PHIP: variants seen among roughly 807,000 people sequenced by gnomAD.
The protein encoded by PHIP is PHIP subunit of CUL4-Ring ligase complex, also known as PH-interacting protein.
PHIP carries 54 observed loss-of-function variants against 236.8 expected under a neutral mutation model. That is an observed-to-expected ratio of 0.23 (90% CI 0.18 to 0.29). The LOEUF is 0.29. Ranked by LOEUF, PHIP falls within the 10% of genes least tolerant of loss-of-function variation. The probability of loss-of-function intolerance (pLI) is 1.00; values close to 1 mark genes in which losing one functional copy is unlikely to be tolerated. For missense variants in PHIP, 1,370 were observed against 2,190.8 expected (o/e 0.63, Z 7.48); for synonymous variants, 756 against 718.9 (o/e 1.05, Z -0.83).
At chr6:79,003,893 C>T in intron 15 of PHIP, 35 bp from the exon 16 acceptor site, 1 of 1,459,920 alleles carries the variant, frequency 6.8e-7, no homozygotes, top group Non-Finnish European at 9.3e-7. Flanking sequence ...AGAAAACTAC[C>T]ATTAAAATGA....
At chr6:78,986,542 C>T (rs1310859814) in intron 21 of PHIP, among the ~76,000 whole-genome samples, 1 of 152,136 alleles carries the variant, frequency 6.6e-6, no homozygotes, top group African/African-American at 2.4e-5. Context: ...GAATTTTGCC[C>T]AAGGCGGCAC....
intron 35 of PHIP, among the ~76,000 whole-genome samples, chr6:78,952,165 A>T (rs1419466195): frequency 6.6e-6 from 1 of 152,120 alleles, no homozygotes; most frequent in Non-Finnish European, 1.5e-5. Context: ...TATGCCTGTA[A>T]TCCCAGCACT....
chr6:79,065,764 C>CCA (rs58570604), intron 4 of PHIP, among the ~76,000 whole-genome samples: 27,842 of 143,286 alleles, frequency 0.19, 2,506 homozygotes, highest in African/African-American at 0.23. Flanking sequence ...CTTAACTATA[C>CCA]CACACACACA....
chr6:79,023,666 G>C (rs1435545755), intron 9 of PHIP, among the ~76,000 whole-genome samples: 1 of 151,710 alleles, frequency 6.6e-6, no homozygotes, highest in African/African-American at 2.4e-5. Flanking sequence ...AAACATTCAT[G>C]GAGAAAAAAT....
Position 79,077,945 on chromosome 6 carries a change from A to T in PHIP, c.41-32T>A, listed in dbSNP as rs528021079. The T allele has an allele frequency of 8.8e-6, 14 of 1,583,306 alleles. No individual in the cohort carries two copies. The African/African-American group carries it at 1.6e-4, about 18-fold the overall frequency. Reference sequence around the variant, plus strand: ...GGGAGAGAGGGACGGGGAGACACACAGGCTGAGCGGTCGGGCGGCGGGGGG... The same window carrying T: ...GGGAGAGAGGGACGGGGAGACACACTGGCTGAGCGGTCGGGCGGCGGGGGG... On this transcript the variant is annotated intron_variant, in intron 1 of 39. Transcript: ENST00000275034.
chr6:78,946,893 A>G lies in PHIP; in HGVS notation c.4207-19T>C, dbSNP rs779850457. The G allele has an allele frequency of 1.4e-5, 21 of 1,514,464 alleles. 1 individual carries two copies. The highest frequency in any genetic ancestry group is 4.4e-6 in the Non-Finnish European group (5 of 1,131,574). 93.8% of individuals were successfully genotyped at this position (1,514,464 alleles called of 1,614,324 possible). On this transcript the variant is annotated intron_variant, in intron 36 of 39. Coordinates refer to ENST00000275034, the MANE Select transcript of PHIP (RefSeq NM_017934.7). Reference sequence around the variant, plus strand: ...TGTAAATCTGTGAGGGAAAAAAAAAAGTGTTCAACCATTCCTTGGAGGAAA... The same window carrying G: ...TGTAAATCTGTGAGGGAAAAAAAAAGGTGTTCAACCATTCCTTGGAGGAAA...
intron 18 of PHIP, 118 bp from the exon 19 acceptor site, chr6:78,997,715 A>C (rs1312664507): frequency 7.4e-6 from 6 of 810,684 alleles, no homozygotes; most frequent in African/African-American, 5.3e-5. Flanking sequence ...TGGCAAAATA[A>C]TTAAATTACC....
intron 9 of PHIP, among the ~76,000 whole-genome samples, chr6:79,020,991 GGTTA>G (rs368902656): frequency 6.2e-4 from 95 of 152,312 alleles, no homozygotes; most frequent in Middle Eastern, 3.4e-3. Flanking sequence ...AAATCAGTAA[GGTTA>G]GTTTAATGGA....
intron 4 of PHIP, among the ~76,000 whole-genome samples, chr6:79,069,653 G>A (rs1034418841): frequency 2.6e-5 from 4 of 151,988 alleles, no homozygotes; most frequent in African/African-American, 4.8e-5. Flanking sequence ...TCTCCCCATC[G>A]ACACGTAGAT....
chr6:79,077,368 C>T, intron 4 of PHIP, 80 bp downstream of exon 4: 1 of 1,310,166 alleles, frequency 7.6e-7, no homozygotes, highest in East Asian at 2.6e-5. Context: ...AAGTTTTTGT[C>T]TCTGTAAAAA....
At position 78,935,033 on chromosome 6, in the gene PHIP, T is replaced by C. The variant is rs958162560; in HGVS notation, c.*5660A>G. On this transcript the variant is annotated 3_prime_UTR_variant, in exon 40 of 40. Coordinates refer to ENST00000275034, the MANE Select transcript of PHIP (RefSeq NM_017934.7). Reference sequence around the variant, plus strand: ...AACAGAGGTTTTGTGCTTTGGTCTTTAATCTTACTTCCGTTAAATACTGGG... The same window carrying C: ...AACAGAGGTTTTGTGCTTTGGTCTTCAATCTTACTTCCGTTAAATACTGGG... 5.9e-5 allele frequency among the ~76,000 whole-genome samples: 9 copies of C among 152,212 alleles called. No homozygotes were observed. Among genetic ancestry groups the C allele is most frequent in the Non-Finnish European group, 1.5e-5 (1 of 68,026 alleles).
chr6:79,045,776 C>T (rs1772455153), intron 6 of PHIP, among the ~76,000 whole-genome samples: 1 of 152,066 alleles, frequency 6.6e-6, no homozygotes, highest in Non-Finnish European at 1.5e-5. Context: ...AGGATAAATT[C>T]TTTATATGAC....
intron 15 of PHIP, among the ~76,000 whole-genome samples, chr6:79,007,651 GTTCT>G (rs869252047): frequency 4.0e-5 from 4 of 101,226 alleles, no homozygotes; most frequent in Non-Finnish European, 8.1e-5. Context: ...AGTATGTCTT[GTTCT>G]TTTTTTTTTT....
chr6:79,019,149 C>T lies in PHIP; in HGVS notation c.934G>A (p.Ala312Thr). 6.2e-7 allele frequency: 1 copy of T among 1,611,036 alleles called. No homozygotes were observed. The highest frequency in any genetic ancestry group is 1.1e-5 in the South Asian group (1 of 90,982). ...GGCCGAGGGCGCTCTGTAAATTTTGCAGGTCTTGGGCTGTAATACAAAAAA... is the reference window on the plus strand; with the variant it reads ...GGCCGAGGGCGCTCTGTAAATTTTGTAGGTCTTGGGCTGTAATACAAAAAA... ...AGTLKINPRP[A>T]KFTERPRPGV... Residue 312 changes from alanine (A) to threonine (T), a missense_variant, in exon 10 of 40, where the codon GCA (alanine) becomes ACA (threonine). Physicochemically the swap from Ala to Thr is moderately conservative, Grantham distance 58. Coordinates refer to ENST00000275034, the MANE Select transcript of PHIP (RefSeq NM_017934.7).
At chr6:78,974,640 A>C (rs1406791409) in intron 24 of PHIP, among the ~76,000 whole-genome samples, 3 of 152,108 alleles carry the variant, frequency 2.0e-5, no homozygotes, top group Non-Finnish European at 2.9e-5. Context: ...AAGACTAATA[A>C]AAGAAAAAAA....
At position 78,946,089 on chromosome 6, in the gene PHIP, A is replaced by G; in HGVS notation, c.4542T>C (p.Asp1514=). ...TAGATGGTTGCTCAGTGACAACTGG[A>G]TCTACAACCACTCGGTTGCTTCTGG... is the stretch of plus-strand genomic sequence containing the variant. ...VRTRSNRVVV[D]PVVTEQPSTS... Residue 1514 remains aspartate, a synonymous_variant, in exon 38 of 40, where the codon GAT becomes GAC. Coordinates refer to ENST00000275034, the MANE Select transcript of PHIP (RefSeq NM_017934.7). 6.2e-7 allele frequency: 1 copy of G among 1,613,620 alleles called. No homozygotes were observed. The highest frequency in any genetic ancestry group is 8.5e-7 in the Non-Finnish European group (1 of 1,179,544).
At chr6:78,981,004 G>A (rs1768488599) in intron 23 of PHIP, among the ~76,000 whole-genome samples, 1 of 151,696 alleles carries the variant, frequency 6.6e-6, no homozygotes, top group South Asian at 2.1e-4. Flanking sequence ...AAAGACTTTG[G>A]GCATCACCAA....
intron 19 of PHIP, among the ~76,000 whole-genome samples, chr6:78,991,525 C>G (rs190286511): frequency 1.3e-5 from 2 of 152,122 alleles, no homozygotes; most frequent in African/African-American, 4.8e-5. Context: ...TTGAGGAACA[C>G]TAATTTTAAA....
chr6:79,077,481 G>C lies in PHIP; in HGVS notation c.156C>G (p.Thr52=). The part of the protein sequence containing the change: ...KELLPRRTDW[T]GKEHPRTYQN... The stretch of plus-strand genomic sequence containing the variant: ...GGTAGGTCCTGGGATGCTCCTTCCC[G>C]GTCCAGTCGGTGCGCCGGGGCAGCA... Residue 52 remains threonine (T), a synonymous_variant, in exon 4 of 40, where the codon ACC becomes ACG. Coordinates refer to ENST00000275034, the MANE Select transcript of PHIP (RefSeq NM_017934.7). The C allele has an allele frequency of 6.4e-7, 1 of 1,567,764 alleles. No individual in the cohort carries two copies. Among genetic ancestry groups the C allele is most frequent in the Non-Finnish European group, 8.6e-7 (1 of 1,156,472 alleles).
Sources: allele counts gnomAD v4.1 joint callset (sites outside exome capture counted in the v4.1 genomes callset), GRCh38; gene constraint gnomAD v4.1.1; transcripts MANE v1.5; gene names NCBI Gene and HGNC (gene_info 2026-07-23, HGNC 2026-07-21).